The following RPS6KB1 variants were observed in gnomAD, a reference collection of about 807,000 sequenced individuals.
The protein encoded by RPS6KB1 is ribosomal protein S6 kinase beta-1.
In RPS6KB1, 12 loss-of-function variants were observed where a neutral mutation model predicts 70.2. The ratio of observed to expected loss-of-function variants is 0.17; its 90% CI spans 0.11 to 0.28. The LOEUF (loss-of-function observed/expected upper bound fraction) is 0.28. RPS6KB1 is among the 10% of genes least tolerant of loss of function. The pLI is 1.00. For missense variants in RPS6KB1, 270 were observed against 646.6 expected, an observed-to-expected ratio of 0.42 and a Z score of 6.32; for synonymous variants, 175 against 211.2, an observed-to-expected ratio of 0.83 and a Z score of 1.49.
At chr17:59,901,854 C>T (rs748199238) in intron 1 of RPS6KB1, among the ~76,000 whole-genome samples, 2 of 150,726 alleles carry the variant, frequency 1.3e-5, no homozygotes, top group Non-Finnish European at 3.0e-5. Context: ...CGTGTCTCTA[C>T]GAAAAATAGA....
intron 13 of RPS6KB1, among the ~76,000 whole-genome samples, chr17:59,941,885 G>A (rs1281814816): frequency 2.5e-4 from 35 of 142,318 alleles, no homozygotes; most frequent in African/African-American, 8.7e-4. Context: ...TTGAGAAGGA[G>A]TCTCGCTCTG....
chr17:59,902,665 CTCCTGGGCTGAAGTAA>C (rs1163602066), intron 1 of RPS6KB1, among the ~76,000 whole-genome samples: 16 of 151,848 alleles, frequency 1.1e-4, no homozygotes, highest in Admixed American at 9.8e-4. Context: ...CAGCTTCACC[CTCCTGGGCTGAAGTAA>C]TTCTTCTGCC....
intron 13 of RPS6KB1, among the ~76,000 whole-genome samples, chr17:59,942,099 C>A (rs2044642306): frequency 6.6e-6 from 1 of 151,792 alleles, no homozygotes; most frequent in African/African-American, 2.4e-5. Flanking sequence ...ACCTCATGAT[C>A]CGCCCGCCTT....
At chr17:59,902,084 T>A (rs1425362556) in intron 1 of RPS6KB1, among the ~76,000 whole-genome samples, 1 of 148,602 alleles carries the variant, frequency 6.7e-6, no homozygotes, top group Non-Finnish European at 1.5e-5. Flanking sequence ...TGACCTTTTA[T>A]ATTTGGTGGC....
chr17:59,938,318 TC>T (rs2044370289), intron 12 of RPS6KB1, among the ~76,000 whole-genome samples: 1 of 151,690 alleles, frequency 6.6e-6, no homozygotes, highest in Admixed American at 6.6e-5. Flanking sequence ...CATCACCACA[TC>T]CAGCTAATTT....
At chr17:59,899,029 C>T (rs568765903) in intron 1 of RPS6KB1, among the ~76,000 whole-genome samples, 1 of 151,624 alleles carries the variant, frequency 6.6e-6, no homozygotes, top group South Asian at 2.1e-4. Context: ...ATGGTGAAAA[C>T]CCCGTCTCTA....
intron 13 of RPS6KB1, chr17:59,945,138 G>GT (rs556724973): frequency 7.0e-3 from 1,773 of 254,696 alleles, no homozygotes; most frequent in Middle Eastern, 0.012. Context: ...GAATTTTCCT[G>GT]TTTTTTTTTC....
At chr17:59,894,221 G>T (rs1333521670) in intron 1 of RPS6KB1, among the ~76,000 whole-genome samples, 1 of 151,978 alleles carries the variant, frequency 6.6e-6, no homozygotes. Flanking sequence ...GCATAGCTTG[G>T]TTTCACCCTG....
intron 13 of RPS6KB1, among the ~76,000 whole-genome samples, chr17:59,941,437 A>C (rs182480575): frequency 6.6e-6 from 1 of 150,560 alleles, no homozygotes; most frequent in East Asian, 2.0e-4. Flanking sequence ...TGATCCACCC[A>C]TTTCAGCCTT....
chr17:59,914,772 G>T, intron 4 of RPS6KB1, 69 bp downstream of exon 4: 1 of 1,160,518 alleles, frequency 8.6e-7, no homozygotes, highest in South Asian at 1.3e-5. Context: ...CCAAAAGGCT[G>T]GGAAGCAATC....
chr17:59,913,564 G>T (rs1004229569), intron 3 of RPS6KB1, among the ~76,000 whole-genome samples: 5 of 152,164 alleles, frequency 3.3e-5, no homozygotes, highest in African/African-American at 7.2e-5. Flanking sequence ...CTTTCAGTAT[G>T]GGGGAGGGGT....
In RPS6KB1 at chr17:59,946,383, T is replaced by C. The variant is rs2044926600; in HGVS notation, c.1341-168T>C. On this transcript the variant is annotated intron_variant, in intron 14 of 14. Transcript: ENST00000225577. The surrounding 1 kb of genome is among the most constrained non-coding windows in gnomAD (Gnocchi z 4.2). The stretch of plus-strand genomic sequence containing the variant: ...AGTTAGGAAATTCTAGCAGTTAATC[T>C]AGGTGGGGGAGAGATGGTTCAATTT... Among the ~76,000 whole-genome samples, 1 of 152,108 alleles carries C rather than the reference T, an allele frequency of 6.6e-6. No homozygotes were observed. The highest frequency in any genetic ancestry group is 1.5e-5 in the Non-Finnish European group (1 of 68,014).
chr17:59,911,058 G>A lies in RPS6KB1; in HGVS notation c.191+447G>A, dbSNP rs532432512. On this transcript the variant is annotated intron_variant, in intron 2 of 14. Coordinates refer to ENST00000225577, the MANE Select transcript of RPS6KB1 (RefSeq NM_003161.4). Reference sequence around the variant, plus strand: ...AGCAGTTTGGGAGGCCAAGGTGGGCGGGTCATTTGAGATCAGGAGTTCGAG... The same window carrying A: ...AGCAGTTTGGGAGGCCAAGGTGGGCAGGTCATTTGAGATCAGGAGTTCGAG... 5.0e-4 allele frequency among the ~76,000 whole-genome samples: 76 copies of A among 152,312 alleles called. 1 individual carries two copies. Among genetic ancestry groups the A allele is most frequent in the Middle Eastern group, 6.8e-3 (2 of 294 alleles).
Position 59,919,603 on chromosome 17 carries a change from C to T in RPS6KB1, c.381+4900C>T, listed in dbSNP as rs149573364. On this transcript the variant is annotated intron_variant, in intron 4 of 14. Transcript: ENST00000225577. The stretch of plus-strand genomic sequence containing the variant: ...GATGGAGATCTTACCTCTCAACACG[C>T]GGACTTTCACTAAACTCGAGTTTTT... 4.0e-4 allele frequency among the ~76,000 whole-genome samples: 61 copies of T among 152,134 alleles called. No individual in the cohort carries two copies. In the East Asian group the frequency reaches 5.6e-3, roughly 14 times the overall value.
At chr17:59,913,570 G>A (rs1193363989) in intron 3 of RPS6KB1, among the ~76,000 whole-genome samples, 1 of 152,150 alleles carries the variant, frequency 6.6e-6, no homozygotes, top group East Asian at 1.9e-4. Context: ...GTATGGGGGA[G>A]GGGTAAGGGA....
At chr17:59,931,533 T>C in intron 6 of RPS6KB1, 89 bp from the exon 7 acceptor site, 1 of 998,476 alleles carries the variant, frequency 1.0e-6, no homozygotes, top group African/African-American at 1.6e-5. Flanking sequence ...GGTGCATGTC[T>C]GTTTCTTTCA....
At position 59,893,857 on chromosome 17, in the gene RPS6KB1, C is replaced by CT; in HGVS notation, c.141+533dup. On this transcript the variant is annotated intron_variant, in intron 1 of 14. Transcript: ENST00000225577. The surrounding 1 kb of genome is among the most constrained non-coding windows in gnomAD (Gnocchi z 4.1). The stretch of plus-strand genomic sequence containing the variant: ...TCTGTCGGGAGTAGCACTGCCGCTG[C>CT]TGTTACAGCCACCAGGAGTTTTATT... The CT allele has an allele frequency of 2.0e-6, 2 of 985,246 alleles. No individual in the cohort carries two copies. Among genetic ancestry groups the CT allele is most frequent in the Non-Finnish European group, 2.4e-6 (2 of 829,886 alleles). The allele number at this position is 985,246 out of a possible 1,614,324, so 61.0% of individuals were successfully genotyped here. A position where few individuals can be genotyped will look rare whatever the true frequency, so the allele number is the denominator to read the frequency against.
chr17:59,914,508 C>G, intron 3 of RPS6KB1, 127 bp from the exon 4 acceptor site: 1 of 738,482 alleles, frequency 1.4e-6, no homozygotes. Context: ...GTTCTTTTAG[C>G]TGATCATTTT....
rs775817885 is a variant in RPS6KB1 at position 59,940,954 on chromosome 17, G to A, written c.1227+11G>A. 8 of 1,540,556 alleles carry A rather than the reference G, an allele frequency of 5.2e-6. No homozygotes were observed. The highest frequency in any genetic ancestry group is 7.1e-6 in the Non-Finnish European group (8 of 1,127,956). ...AATCAGGTCTTTCTGGTAAGTGAAAGAATTTCCATGTAGTCATGGGAAATT... is the reference window on the plus strand; with the variant it reads ...AATCAGGTCTTTCTGGTAAGTGAAAAAATTTCCATGTAGTCATGGGAAATT... On this transcript the variant is annotated intron_variant, in intron 13 of 14. Coordinates refer to ENST00000225577, the MANE Select transcript of RPS6KB1 (RefSeq NM_003161.4).
Sources: gnomAD v4.1 joint callset for allele counts (sites outside exome capture counted in the v4.1 genomes callset) on GRCh38, gnomAD v4.1.1 for gene constraint, Gnocchi (gnomAD v3.1) non-coding constraint, MANE v1.5 for transcripts, NCBI Gene and HGNC (gene_info 2026-07-23, HGNC 2026-07-21) for gene names.